MITF: variants seen among roughly 807,000 people sequenced by gnomAD.
MITF encodes melanocyte inducing transcription factor, also known as microphthalmia-associated transcription factor.
Under a neutral mutation model 60.5 loss-of-function variants are expected in MITF, and 17 were observed. The observed-to-expected ratio is 0.28, with a 90% CI of 0.19 to 0.42. The LOEUF (loss-of-function observed/expected upper bound fraction) is 0.42. Ranked by LOEUF, MITF falls within the 10% of genes least tolerant of loss-of-function variation. The pLI is 1.00. For missense variants in MITF, 622 were observed against 683.5 expected, an observed-to-expected ratio of 0.91 and a Z score of 1.00; for synonymous variants, 260 against 248.5, an observed-to-expected ratio of 1.05 and a Z score of -0.43.
At position 69,941,259 on chromosome 3, in the gene MITF, C is replaced by T. The variant is rs921083187; in HGVS notation, c.690C>T (p.Ile230=). 2.5e-6 allele frequency: 4 copies of T among 1,612,056 alleles called. No homozygotes were observed. Among genetic ancestry groups the T allele is most frequent in the East Asian group, 2.2e-5 (1 of 44,754 alleles). The change falls in exon 5 of 10, where the codon ATC becomes ATT. Residue 230 remains isoleucine (I), a synonymous_variant. Coordinates refer to ENST00000352241, the MANE Select transcript of MITF (RefSeq NM_001354604.2). ...AGATGGATGATGTAATCGATGACAT[C>T]ATTAGCCTAGAATCAAGTTATAATG... ...CMQMDDVIDD[I]ISLESSYNEE...
At chr3:69,929,415 A>G (rs1169982074) in intron 2 of MITF, among the ~76,000 whole-genome samples, 1 of 152,138 alleles carries the variant, frequency 6.6e-6, no homozygotes, top group Non-Finnish European at 1.5e-5. Flanking sequence ...AAGTAGGCAC[A>G]GTGGACAGGG....
At chr3:69,921,591 A>G (rs1046389572) in intron 2 of MITF, among the ~76,000 whole-genome samples, 2 of 152,208 alleles carry the variant, frequency 1.3e-5, no homozygotes. Context: ...TTTACAGTGA[A>G]GATGACGTTT....
At chr3:69,936,758 G>A in intron 2 of MITF, 1 of 1,612,848 alleles carries the variant, frequency 6.2e-7, no homozygotes, top group Non-Finnish European at 8.5e-7. Flanking sequence ...ACTATCAGGT[G>A]AGATTTATTC....
rs574549041 is a variant in MITF, at chr3:69,866,885, C to T, written c.105-12249C>T. Among the ~76,000 whole-genome samples the T allele has an allele frequency of 3.8e-3, 540 of 142,888 alleles. 1 individual carries two copies. Among genetic ancestry groups the T allele is most frequent in the African/African-American group, 0.013 (485 of 38,180 alleles). 93.7% of individuals were successfully genotyped at this position (142,888 alleles called of 152,430 possible). A position where few individuals can be genotyped will look rare whatever the true frequency, so the allele number is the denominator to read the frequency against. ...TGGTAACAGTTGCATTAATGAACAT[C>T]TTCTTTGCATTCTTGTATATTGATT... On this transcript the variant is annotated intron_variant, in intron 1 of 9. Coordinates refer to ENST00000352241, the MANE Select transcript of MITF (RefSeq NM_001354604.2).
chr3:69,779,731 G>T (rs2062532649), intron 1 of MITF, among the ~76,000 whole-genome samples: 2 of 152,074 alleles, frequency 1.3e-5, no homozygotes, highest in African/African-American at 4.8e-5. Context: ...TTTTCATTTT[G>T]ATATAATTAT....
intron 1 of MITF, among the ~76,000 whole-genome samples, chr3:69,860,284 T>G (rs2063988998): frequency 6.6e-6 from 1 of 152,204 alleles, no homozygotes; most frequent in East Asian, 1.9e-4. Flanking sequence ...TGCTAATGTT[T>G]TATATATTTT....
chr3:69,755,649 G>A (rs1266212111), intron 1 of MITF, among the ~76,000 whole-genome samples: 1 of 151,816 alleles, frequency 6.6e-6, no homozygotes, highest in Non-Finnish European at 1.5e-5. Context: ...GCAGAAAGGG[G>A]GGTTAGTCCA....
intron 1 of MITF, among the ~76,000 whole-genome samples, chr3:69,855,775 G>A (rs950103736): frequency 6.6e-6 from 1 of 152,260 alleles, no homozygotes; most frequent in East Asian, 1.9e-4. Context: ...AGGCCAGAGT[G>A]ACCTTCACAG....
chr3:69,813,259 A>T (rs780754167), intron 1 of MITF, among the ~76,000 whole-genome samples: 3 of 152,180 alleles, frequency 2.0e-5, no homozygotes, highest in Admixed American at 6.5e-5. Context: ...AAAATCAAAG[A>T]AAGATTGGAT....
At chr3:69,790,520 A>T (rs757202450) in intron 1 of MITF, among the ~76,000 whole-genome samples, 19 of 152,202 alleles carry the variant, frequency 1.2e-4, no homozygotes, top group Non-Finnish European at 2.2e-4. Flanking sequence ...AATTTTAAAA[A>T]TTTCACATTT....
At chr3:69,885,979 C>T (rs1010968965) in intron 2 of MITF, among the ~76,000 whole-genome samples, 1 of 152,046 alleles carries the variant, frequency 6.6e-6, no homozygotes, top group African/African-American at 2.4e-5. Context: ...ATTAGCATCC[C>T]CATTTCACAG....
intron 9 of MITF, among the ~76,000 whole-genome samples, chr3:69,962,475 A>G (rs2066574916): frequency 6.6e-6 from 1 of 152,212 alleles, no homozygotes; most frequent in African/African-American, 2.4e-5. Flanking sequence ...TGCAGACCCA[A>G]AAACCTTGAA....
intron 2 of MITF, among the ~76,000 whole-genome samples, chr3:69,929,334 A>C (rs1285334140): frequency 6.6e-6 from 1 of 152,176 alleles, no homozygotes; most frequent in African/African-American, 2.4e-5. Context: ...GGATATGTGA[A>C]TATGTCCTTA....
intron 1 of MITF, among the ~76,000 whole-genome samples, chr3:69,875,357 C>T (rs1432962663): frequency 2.0e-5 from 3 of 152,118 alleles, no homozygotes; most frequent in South Asian, 2.1e-4. Flanking sequence ...ATCAGAGTTC[C>T]GTAGTCTAGG....
At chr3:69,877,758 A>G (rs1173226851) in intron 1 of MITF, among the ~76,000 whole-genome samples, 2 of 152,136 alleles carry the variant, frequency 1.3e-5, no homozygotes, top group African/African-American at 4.8e-5. Flanking sequence ...GTCTTTAAGG[A>G]GCTCATGAGG....
intron 1 of MITF, among the ~76,000 whole-genome samples, chr3:69,839,893 C>A (rs1392346294): frequency 1.3e-5 from 2 of 152,158 alleles, no homozygotes; most frequent in Admixed American, 6.5e-5. Flanking sequence ...CCCCTCCCCC[C>A]ACACCCCTCC....
At chr3:69,851,252 A>T (rs2063818893) in intron 1 of MITF, among the ~76,000 whole-genome samples, 1 of 152,190 alleles carries the variant, frequency 6.6e-6, no homozygotes, top group Non-Finnish European at 1.5e-5. Context: ...ACTGACTTAT[A>T]CTTTTCCTAT....
intron 1 of MITF, among the ~76,000 whole-genome samples, chr3:69,847,909 C>T (rs1226795828): frequency 6.6e-6 from 1 of 152,344 alleles, no homozygotes; most frequent in African/African-American, 2.4e-5. Flanking sequence ...GTTCCCAATC[C>T]CACATGCTTC....
Position 69,967,462 on chromosome 3 carries a change from A to C in MITF, c.*2214A>C, listed in dbSNP as rs1201089080. The C allele has an allele frequency of 4.3e-6, 1 of 233,244 alleles. No homozygotes were observed. The highest frequency in any genetic ancestry group is 1.8e-4 in the South Asian group (1 of 5,518). The allele number at this position is 233,244 out of a possible 1,614,324, so 14.4% of individuals were successfully genotyped here. ...TGATGCTATGATGTTAGTTTTCCTT[A>C]GCTGATTTTGAGGGTTTTTAAAAAT... On this transcript the variant is annotated 3_prime_UTR_variant, in exon 10 of 10. Transcript: ENST00000352241.
Sources: allele counts gnomAD v4.1 joint callset (sites outside exome capture counted in the v4.1 genomes callset), GRCh38; gene constraint gnomAD v4.1.1; transcripts MANE v1.5; gene names NCBI Gene and HGNC (gene_info 2026-07-23, HGNC 2026-07-21).